MORF4L2: variants seen among roughly 807,000 people sequenced by gnomAD.
The protein encoded by MORF4L2 is mortality factor 4-like protein 2.
A neutral mutation model predicts 12.0 loss-of-function variants in MORF4L2; 1 was observed. The observed-to-expected ratio is 0.08, with a 90% confidence interval of 0.03 to 0.40. MORF4L2 has a LOEUF of 0.40. Among genes scored for constraint, MORF4L2 ranks in the 10% least tolerant of loss-of-function variants. MORF4L2 has a pLI of 0.98. For missense variants in MORF4L2, 123 were observed against 214.0 expected, an observed-to-expected ratio of 0.57 and a Z score of 2.65; for synonymous variants, 69 against 81.6, an observed-to-expected ratio of 0.85 and a Z score of 0.83.
chrX:103,680,262 G>A (rs1489699282), intron 2 of MORF4L2, among the ~76,000 whole-genome samples: 1 of 112,945 alleles, frequency 8.9e-6, no homozygotes, highest in Non-Finnish European at 1.9e-5. Flanking sequence ...GCCAGTTATT[G>A]GGAAGAAAGG....
upstream of MORF4L2, among the ~76,000 whole-genome samples, chrX:103,686,971 G>A (rs750890698): frequency 9.6e-6 from 1 of 103,694 alleles, no homozygotes; most frequent in South Asian, 4.4e-4. Context: ...GCCCTCTTAG[G>A]TTTTTTTTTT....
At chrX:103,679,388 G>A (rs1307263490) in intron 2 of MORF4L2, among the ~76,000 whole-genome samples, 2 of 106,105 alleles carry the variant, frequency 1.9e-5, no homozygotes, top group African/African-American at 6.9e-5. Context: ...GCATGGTGGT[G>A]CACGCCTGTA....
chrX:103,687,434 T>C (rs2074141368), upstream of MORF4L2: 1 of 112,070 alleles, frequency 8.9e-6, no homozygotes, highest in Non-Finnish European at 1.9e-5. Flanking sequence ...GCGGCCCTCG[T>C]GGCTCGGGAG....
At chrX:103,683,449 TCA>T (rs1459226168) in intron 2 of MORF4L2, among the ~76,000 whole-genome samples, 2 of 112,633 alleles carry the variant, frequency 1.8e-5, no homozygotes, top group Non-Finnish European at 3.8e-5. Flanking sequence ...AATTTAATTA[TCA>T]CAGTTTAAAG....
At position 103,678,584 on chromosome X, in the gene MORF4L2, G is replaced by A. The variant is rs11551735; in HGVS notation, c.-110C>T. ...ATCTTCTGGGATGGTCTAGAAGGGT[G>A]AAGTGGGAGATACAACCTAGAAAGA... On this transcript the variant is annotated 5_prime_UTR_variant, in exon 3 of 4. Transcript: ENST00000441076. The A allele has an allele frequency of 8.9e-6, 1 of 112,141 alleles. No homozygotes were observed. Among genetic ancestry groups the A allele is most frequent in the African/African-American group, 3.2e-5 (1 of 30,865 alleles). 9.2% of individuals were successfully genotyped at this position (112,141 alleles called of 1,213,427 possible). A position where few individuals can be genotyped will look rare whatever the true frequency, so the allele number is the denominator to read the frequency against.
chrX:103,676,123 C>A lies in MORF4L2; in HGVS notation c.*38G>T. ...AAAGACTAAGAACAAAAAGTGTTTA[C>A]AGATACAGGACAAAAATGGTGAGCT... On this transcript the variant is annotated 3_prime_UTR_variant, in exon 4 of 4. Transcript: ENST00000441076. The A allele has an allele frequency of 8.8e-7, 1 of 1,137,302 alleles. No individual in the cohort carries two copies. The highest frequency in any genetic ancestry group is 1.2e-6 in the Non-Finnish European group (1 of 858,718). 93.7% of individuals were successfully genotyped at this position (1,137,302 alleles called of 1,213,427 possible).
chrX:103,687,144 G>GT (rs1420428930), upstream of MORF4L2: 2 of 104,459 alleles, frequency 1.9e-5, no homozygotes, highest in African/African-American at 7.1e-5. Context: ...TGGGTTTGTG[G>GT]TTTTTTTCCC....
At chrX:103,677,821 T>C (rs940096069) in intron 3 of MORF4L2, among the ~76,000 whole-genome samples, 2 of 111,472 alleles carry the variant, frequency 1.8e-5, no homozygotes, top group African/African-American at 6.5e-5. Flanking sequence ...AGGCACAAAA[T>C]AGTTTGGGAG....
chrX:103,679,336 T>C (rs1486730576), intron 2 of MORF4L2, among the ~76,000 whole-genome samples: 1 of 75,011 alleles, frequency 1.3e-5, no homozygotes, highest in Non-Finnish European at 2.4e-5. Context: ...AAACCCTGTC[T>C]CTACTAAAAA....
chrX:103,683,825 T>TC (rs1206905386), intron 2 of MORF4L2, among the ~76,000 whole-genome samples: 1 of 110,857 alleles, frequency 9.0e-6, no homozygotes, highest in Non-Finnish European at 1.9e-5. Context: ...GGCTTTTTTT[T>TC]CTCTATTTCT....
rs747139703 is a variant in MORF4L2 at position 103,676,814 on chromosome X, C to G, written c.214G>C (p.Val72Leu). Residue 72 changes from valine to leucine, a missense_variant, in exon 4 of 4, where the codon GTG becomes CTG. Physicochemically the swap from Val to Leu is conservative, Grantham distance 32 (BLOSUM62 1). Transcript: ENST00000441076. ...TGCTTGTTCTTTCTGGTCTTCCTCACGGATCCTGAAGGGGGGTTCTCTGCA... is the reference window on the plus strand; with the variant it reads ...TGCTTGTTCTTTCTGGTCTTCCTCAGGGATCCTGAAGGGGGGTTCTCTGCA... ...RSAENPPSGS[V>L]RKTRKNKQKT... 5 of 1,202,302 alleles carry G rather than the reference C, an allele frequency of 4.2e-6. No individual in the cohort carries two copies. The East Asian group carries it at 1.5e-4, about 36-fold the overall frequency.
intron 1 of MORF4L2, among the ~76,000 whole-genome samples, chrX:103,685,779 C>T: frequency 9.0e-6 from 1 of 111,247 alleles, no homozygotes; most frequent in Non-Finnish European, 1.9e-5. Context: ...CATCTATACC[C>T]CTCCCCATTT....
intron 2 of MORF4L2, among the ~76,000 whole-genome samples, chrX:103,679,204 G>C (rs1480151819): frequency 9.1e-6 from 1 of 110,027 alleles, no homozygotes; most frequent in African/African-American, 3.3e-5. Context: ...AATGCAATAG[G>C]ATCTTAAAGA....
chrX:103,684,227 A>G (rs2074048534), intron 2 of MORF4L2, among the ~76,000 whole-genome samples: 1 of 112,173 alleles, frequency 8.9e-6, no homozygotes, highest in African/African-American at 3.2e-5. Context: ...AGTTACATTC[A>G]TATCAATTTT....
chrX:103,685,961 C>T (rs754376578), intron 1 of MORF4L2, among the ~76,000 whole-genome samples: 1 of 111,070 alleles, frequency 9.0e-6, no homozygotes, highest in African/African-American at 3.3e-5. Context: ...ACATCAATTC[C>T]CTAAAAAACA....
intron 1 of MORF4L2, among the ~76,000 whole-genome samples, chrX:103,686,047 G>A (rs979952904): frequency 9.2e-6 from 1 of 109,212 alleles, no homozygotes; most frequent in African/African-American, 3.3e-5. Flanking sequence ...TTCGATTCAG[G>A]ATCCAAACAA....
rs1345300187 is a variant in MORF4L2 at position 103,675,668 on chromosome X, T to C, written c.*493A>G. 1 of 111,811 alleles carries C rather than the reference T, an allele frequency of 8.9e-6. No individual in the cohort carries two copies. Among genetic ancestry groups the C allele is most frequent in the African/African-American group, 3.3e-5 (1 of 30,508 alleles). The allele number at this position is 111,811 out of a possible 1,213,427, so 9.2% of individuals were successfully genotyped here. A position where few individuals can be genotyped will look rare whatever the true frequency, so the allele number is the denominator to read the frequency against. ...GAAACAAATCACCATCCTTCAACAA[T>C]TTGAGCAAAGATAGAATGCCTAAGA... On this transcript the variant is annotated 3_prime_UTR_variant, in exon 4 of 4. Coordinates refer to ENST00000441076, the MANE Select transcript of MORF4L2 (RefSeq NM_012286.3).
rs1475775595 is a variant in MORF4L2 at position 103,678,657 on chromosome X, A to G, written c.-177-6T>C. ...ATGAACTTTTGTGAAATCATCTAAG[A>G]AAAAGAAAAAAAATGAGTAATTTAT... On this transcript the variant is annotated splice_region_variant and splice_polypyrimidine_tract_variant and intron_variant, in intron 2 of 3. Coordinates refer to ENST00000441076, the MANE Select transcript of MORF4L2 (RefSeq NM_012286.3). 1 of 112,587 alleles carries G rather than the reference A, an allele frequency of 8.9e-6. No homozygotes were observed. The highest frequency in any genetic ancestry group is 1.9e-5 in the Non-Finnish European group (1 of 53,262). The allele number at this position is 112,587 out of a possible 1,213,427, so 9.3% of individuals were successfully genotyped here.
intron 2 of MORF4L2, chrX:103,684,775 G>A (rs1829122541): frequency 8.9e-6 from 1 of 112,174 alleles, no homozygotes; most frequent in African/African-American, 3.2e-5. Context: ...CATATACGAG[G>A]AACTTAGGTA....
Sources: allele counts gnomAD v4.1 joint callset (sites outside exome capture counted in the v4.1 genomes callset), GRCh38; gene constraint gnomAD v4.1.1; transcripts MANE v1.5; gene names NCBI Gene and HGNC (gene_info 2026-07-23, HGNC 2026-07-21).